CREBL2: variants seen among roughly 807,000 people sequenced by gnomAD.
The protein encoded by CREBL2 is cAMP responsive element binding protein like 2.
In CREBL2, 4 loss-of-function variants were observed where a neutral mutation model predicts 19.5. The ratio of observed to expected loss-of-function variants is 0.20; its 90% confidence interval spans 0.10 to 0.47. The LOEUF (loss-of-function observed/expected upper bound fraction) is 0.47, where lower values mean the gene tolerates loss of function less well. Among genes scored for constraint, CREBL2 ranks in the 20% least tolerant of loss-of-function variants. The pLI, the probability that CREBL2 is intolerant of heterozygous loss-of-function variation, is 0.98. For synonymous variants in CREBL2, 42 were observed against 46.6 expected (o/e 0.90, Z 0.40); for missense variants, 85 against 145.1 (o/e 0.59, Z 2.13).
At chr12:12,634,836 G>A (rs1489899214) in intron 1 of CREBL2, among the ~76,000 whole-genome samples, 3 of 152,052 alleles carry the variant, frequency 2.0e-5, no homozygotes, top group South Asian at 2.1e-4. Context: ...CAGGAGGATC[G>A]CTTGAGGCCG....
At chr12:12,633,158 A>T (rs966772821) in intron 1 of CREBL2, among the ~76,000 whole-genome samples, 1 of 152,068 alleles carries the variant, frequency 6.6e-6, no homozygotes, top group Non-Finnish European at 1.5e-5. Context: ...GCTGGTCTCG[A>T]ATTCCTGACC....
intron 1 of CREBL2, among the ~76,000 whole-genome samples, chr12:12,619,903 G>A (rs375240441): frequency 1.3e-5 from 2 of 152,128 alleles, no homozygotes; most frequent in African/African-American, 4.8e-5. Flanking sequence ...TGGAAATGAG[G>A]TTTCTTACAC....
In CREBL2 at chr12:12,642,925, G is replaced by C. The variant is rs1463529019; in HGVS notation, c.*927G>C. 1 of 152,632 alleles carries C rather than the reference G, an allele frequency of 6.6e-6. No homozygotes were observed. Among genetic ancestry groups the C allele is most frequent in the Non-Finnish European group, 1.5e-5 (1 of 68,030 alleles). 9.5% of individuals were successfully genotyped at this position (152,632 alleles called of 1,614,324 possible). ...TTCTTGCGTACTCAACTAAATTGGA[G>C]AATGTTTCTGAAGAAAATTGGATGA... is the stretch of plus-strand genomic sequence containing the variant. On this transcript the variant is annotated 3_prime_UTR_variant, in exon 4 of 4. Coordinates refer to ENST00000228865, the MANE Select transcript of CREBL2 (RefSeq NM_001310.4).
chr12:12,637,474 A>G, intron 2 of CREBL2, 96 bp from the exon 3 acceptor site: 1 of 817,328 alleles, frequency 1.2e-6, no homozygotes, highest in Non-Finnish European at 1.6e-6. Context: ...TCCTATGTCT[A>G]GGATTTCTAC....
At chr12:12,641,250 A>AT (rs1248375488) in intron 3 of CREBL2, among the ~76,000 whole-genome samples, 589 of 57,818 alleles carry the variant, frequency 0.01, 47 homozygotes, top group African/African-American at 0.026. Context: ...TATTATTATT[A>AT]TTATTTTTTT....
chr12:12,632,379 C>G (rs1018823118), intron 1 of CREBL2: 23 of 151,858 alleles, frequency 1.5e-4, no homozygotes, highest in African/African-American at 5.6e-4. Flanking sequence ...GCCCGGCCAG[C>G]CTTTCTAATT....
At chr12:12,622,549 T>C (rs911316737) in intron 1 of CREBL2, among the ~76,000 whole-genome samples, 3 of 152,094 alleles carry the variant, frequency 2.0e-5, no homozygotes, top group Non-Finnish European at 4.4e-5. Context: ...GGATAGGGGT[T>C]GAGAGAGGAG....
rs929723311 is a variant in CREBL2 at position 12,645,076 on chromosome 12, G to A, written c.*3078G>A. 2.6e-5 allele frequency: 4 copies of A among 152,140 alleles called. No homozygotes were observed. The highest frequency in any genetic ancestry group is 2.0e-4 in the Admixed American group (3 of 15,278). 9.4% of individuals were successfully genotyped at this position (152,140 alleles called of 1,614,324 possible). ...GAGTTACAGAAAACTGTTAAATAGG[G>A]AAGAACTACATTAAATTTAAATATT... is the stretch of plus-strand genomic sequence containing the variant. On this transcript the variant is annotated 3_prime_UTR_variant, in exon 4 of 4. Transcript: ENST00000228865.
At position 12,644,868 on chromosome 12, in the gene CREBL2, A is replaced by G. The variant is rs572840153; in HGVS notation, c.*2870A>G. 6.6e-6 allele frequency: 1 copy of G among 152,386 alleles called. No homozygotes were observed. Among genetic ancestry groups the G allele is most frequent in the Admixed American group, 6.5e-5 (1 of 15,306 alleles). 9.4% of individuals were successfully genotyped at this position (152,386 alleles called of 1,614,324 possible). A position where few individuals can be genotyped will look rare whatever the true frequency, so the allele number is the denominator to read the frequency against. On this transcript the variant is annotated 3_prime_UTR_variant, in exon 4 of 4. Coordinates refer to ENST00000228865, the MANE Select transcript of CREBL2 (RefSeq NM_001310.4). ...TTAAAGGCAAAGAAAATCTAAAAAC[A>G]TAAATGTTATATTTCACAAGAAATC... is the stretch of plus-strand genomic sequence containing the variant.
intron 1 of CREBL2, among the ~76,000 whole-genome samples, chr12:12,616,694 A>G (rs1424092504): frequency 6.6e-6 from 1 of 152,170 alleles, no homozygotes; most frequent in Non-Finnish European, 1.5e-5. Context: ...CCTAGTTATA[A>G]TCCCACAAAA....
Position 12,642,447 on chromosome 12 carries a change from G to A in CREBL2, c.*449G>A, listed in dbSNP as rs1157384093. 1 of 153,828 alleles carries A rather than the reference G, an allele frequency of 6.5e-6. No homozygotes were observed. Among genetic ancestry groups the A allele is most frequent in the African/African-American group, 2.4e-5 (1 of 41,450 alleles). 9.5% of individuals were successfully genotyped at this position (153,828 alleles called of 1,614,324 possible). A position where few individuals can be genotyped will look rare whatever the true frequency, so the allele number is the denominator to read the frequency against. ...AGAGAAACCAAATGAGCTGATTACT[G>A]ACTATAAGTTCTCAGCCTTTATGGA... On this transcript the variant is annotated 3_prime_UTR_variant, in exon 4 of 4. Transcript: ENST00000228865.
At position 12,612,160 on chromosome 12, in the gene CREBL2, C is replaced by CCTGT; in HGVS notation, c.-9_-6dup. On this transcript the variant is annotated 5_prime_UTR_variant, in exon 1 of 4. Transcript: ENST00000228865. ...GGGAGGGAGTGCCTGGCCAGGCCGG[C>CCTGT]CTGTCTGCCGCGATGGATGACAGTA... The CCTGT allele has an allele frequency of 6.2e-7, 1 of 1,612,436 alleles. No individual in the cohort carries two copies. Among genetic ancestry groups the CCTGT allele is most frequent in the Non-Finnish European group, 8.5e-7 (1 of 1,180,004 alleles).
chr12:12,625,442 T>A (rs1169484456), intron 1 of CREBL2, among the ~76,000 whole-genome samples: 1 of 152,232 alleles, frequency 6.6e-6, no homozygotes, highest in African/African-American at 2.4e-5. Flanking sequence ...ACTGAGTGCC[T>A]AATATCAAAG....
In CREBL2 at chr12:12,637,572, C is replaced by T. The variant is rs1461255986; in HGVS notation, c.216C>T (p.Tyr72=). Residue 72 remains tyrosine, a splice_region_variant and synonymous_variant, in exon 3 of 4, where the codon TAC becomes TAT. Transcript: ENST00000228865. ...ATTTAAAATTAAATATGTTTCAGTA[C>T]AAGCAGTGGTGCATGGCAATGGACC... is the stretch of plus-strand genomic sequence containing the variant. ...ICALREELEM[Y]KQWCMAMDQG... The T allele has an allele frequency of 6.9e-7, 1 of 1,457,766 alleles. No homozygotes were observed. The highest frequency in any genetic ancestry group is 9.1e-7 in the Non-Finnish European group (1 of 1,098,110). 90.3% of individuals were successfully genotyped at this position (1,457,766 alleles called of 1,614,324 possible).
intron 1 of CREBL2, among the ~76,000 whole-genome samples, chr12:12,624,767 G>A (rs1466919915): frequency 6.6e-6 from 1 of 152,244 alleles, no homozygotes; most frequent in Non-Finnish European, 1.5e-5. Context: ...CCTTCCACCA[G>A]CAAGGACAAA....
chr12:12,625,762 A>G (rs1381082477), intron 1 of CREBL2, among the ~76,000 whole-genome samples: 1 of 152,216 alleles, frequency 6.6e-6, no homozygotes, highest in African/African-American at 2.4e-5. Flanking sequence ...ATTCTTGTCT[A>G]TATTGATATT....
At chr12:12,641,822 A>C (rs766764463) in intron 3 of CREBL2, among the ~76,000 whole-genome samples, 172 bp from the exon 4 acceptor site, 1 of 152,172 alleles carries the variant, frequency 6.6e-6, no homozygotes, top group Non-Finnish European at 1.5e-5. Context: ...GGCTTCATCT[A>C]AATTAAATTA....
chr12:12,624,343 G>A (rs1237734617), intron 1 of CREBL2, among the ~76,000 whole-genome samples: 2 of 152,218 alleles, frequency 1.3e-5, no homozygotes, highest in Admixed American at 1.3e-4. Context: ...GGGAAGTGGG[G>A]TGGAAACGGA....
chr12:12,622,177 ATAACT>A (rs1945364645), intron 1 of CREBL2, among the ~76,000 whole-genome samples: 1 of 152,362 alleles, frequency 6.6e-6, no homozygotes, highest in Non-Finnish European at 1.5e-5. Flanking sequence ...CCATACCAAA[ATAACT>A]TAATACATAC....
Sources: allele counts gnomAD v4.1 joint callset (sites outside exome capture counted in the v4.1 genomes callset), GRCh38; gene constraint gnomAD v4.1.1; transcripts MANE v1.5; gene names NCBI Gene and HGNC (gene_info 2026-07-23, HGNC 2026-07-21).